The following RALYL variants were observed in gnomAD, a reference collection of about 807,000 sequenced individuals.
RALYL encodes RALY RNA binding protein like, also known as RNA-binding Raly-like protein.
In RALYL, 29 loss-of-function variants were observed where a neutral mutation model predicts 35.1. The ratio of observed to expected loss-of-function variants is 0.83; its 90% confidence interval spans 0.61 to 1.13. The LOEUF (loss-of-function observed/expected upper bound fraction) is 1.13. Among genes scored for constraint, RALYL ranks in the 50% most tolerant of loss-of-function variants. RALYL has a pLI of 0.00. For missense variants in RALYL, 359 were observed against 360.4 expected, an observed-to-expected ratio of 1.00 and a Z score of 0.03; for synonymous variants, 120 against 127.6, an observed-to-expected ratio of 0.94 and a Z score of 0.40.
intron 1 of RALYL, among the ~76,000 whole-genome samples, chr8:84,185,533 G>A (rs554775441): frequency 6.6e-6 from 1 of 152,010 alleles, no homozygotes; most frequent in African/African-American, 2.4e-5. Context: ...CACTGTGACC[G>A]AATCTGCTGG....
chr8:84,674,432 G>A (rs1042713698), intron 2 of RALYL, among the ~76,000 whole-genome samples: 1 of 152,142 alleles, frequency 6.6e-6, no homozygotes, highest in Admixed American at 6.5e-5. Flanking sequence ...TGGTGAGAGA[G>A]GGCATCCTTG....
chr8:84,348,498 G>A (rs1850263429), intron 1 of RALYL, among the ~76,000 whole-genome samples: 1 of 152,022 alleles, frequency 6.6e-6, no homozygotes, highest in Non-Finnish European at 1.5e-5. Context: ...TTTACAAAGT[G>A]GGTTATTTTA....
chr8:84,857,413 C>T (rs1035316305), intron 5 of RALYL, among the ~76,000 whole-genome samples: 10 of 152,118 alleles, frequency 6.6e-5, no homozygotes, highest in Non-Finnish European at 4.4e-5. Context: ...TTCATGAGGG[C>T]AATTTAGAAA....
chr8:84,235,220 G>A (rs887932208), intron 1 of RALYL, among the ~76,000 whole-genome samples: 4 of 152,010 alleles, frequency 2.6e-5, no homozygotes, highest in African/African-American at 9.7e-5. Context: ...ATTGACAAGT[G>A]CAATTTTATT....
intron 2 of RALYL, among the ~76,000 whole-genome samples, chr8:84,677,437 A>G (rs1834437215): frequency 6.6e-6 from 1 of 152,202 alleles, no homozygotes; most frequent in Non-Finnish European, 1.5e-5. Flanking sequence ...ATAAATGGGA[A>G]TAGGAATAGA....
chr8:84,794,950 G>A (rs944831496), intron 3 of RALYL, among the ~76,000 whole-genome samples: 3 of 152,222 alleles, frequency 2.0e-5, no homozygotes, highest in Non-Finnish European at 4.4e-5. Context: ...AACTGCCACA[G>A]AGATTCTTGG....
intron 1 of RALYL, among the ~76,000 whole-genome samples, chr8:84,311,647 C>A (rs1191879748): frequency 6.6e-6 from 1 of 151,940 alleles, no homozygotes; most frequent in Admixed American, 6.6e-5. Context: ...AATAAAATAC[C>A]ATAGAGATTA....
chr8:84,620,621 G>A (rs1428705422), intron 2 of RALYL, among the ~76,000 whole-genome samples: 1 of 152,162 alleles, frequency 6.6e-6, no homozygotes, highest in Non-Finnish European at 1.5e-5. Context: ...ATCCAGTTTT[G>A]TTCCATTGCT....
chr8:84,704,241 A>G (rs1245185908), intron 2 of RALYL, among the ~76,000 whole-genome samples: 1 of 152,150 alleles, frequency 6.6e-6, no homozygotes, highest in East Asian at 1.9e-4. Flanking sequence ...CCTGGCCAAC[A>G]TGGCGAAACC....
At chr8:84,331,283 TC>T (rs1186623910) in intron 1 of RALYL, among the ~76,000 whole-genome samples, 1 of 152,078 alleles carries the variant, frequency 6.6e-6, no homozygotes, top group African/African-American at 2.4e-5. Context: ...ATTATCTTTG[TC>T]TTTACTATCA....
At chr8:84,787,690 C>T (rs1291191523) in intron 3 of RALYL, among the ~76,000 whole-genome samples, 8 of 152,132 alleles carry the variant, frequency 5.3e-5, no homozygotes, top group African/African-American at 1.9e-4. Context: ...TCTGTTGTTT[C>T]CTGACATTTT....
intron 1 of RALYL, among the ~76,000 whole-genome samples, chr8:84,270,174 T>A (rs1056387513): frequency 6.6e-6 from 1 of 152,122 alleles, no homozygotes; most frequent in African/African-American, 2.4e-5. Context: ...CAAATTGTCT[T>A]TTACACCTGC....
At chr8:84,367,873 C>G (rs1854816142) in intron 1 of RALYL, among the ~76,000 whole-genome samples, 1 of 152,066 alleles carries the variant, frequency 6.6e-6, no homozygotes, top group Non-Finnish European at 1.5e-5. Context: ...AAAGCTATAT[C>G]CCATTGATTT....
chr8:84,332,429 A>G (rs1168941359), intron 1 of RALYL, among the ~76,000 whole-genome samples: 1 of 152,142 alleles, frequency 6.6e-6, no homozygotes, highest in Admixed American at 6.6e-5. Context: ...ATATGCATAT[A>G]CAAGTTCTGA....
intron 2 of RALYL, among the ~76,000 whole-genome samples, chr8:84,642,608 C>CAAAATGGGCATAAA (rs1342739711): frequency 3.3e-5 from 5 of 151,964 alleles, no homozygotes; most frequent in Non-Finnish European, 7.4e-5. Context: ...TCTGTCAGTT[C>CAAAATGGGCATAAA]AAAATGGGCA....
At chr8:84,794,226 C>T (rs564635795) in intron 3 of RALYL, among the ~76,000 whole-genome samples, 4 of 152,212 alleles carry the variant, frequency 2.6e-5, no homozygotes, top group South Asian at 2.1e-4. Flanking sequence ...TTAGGATGGG[C>T]GATCAAAAGA....
intron 1 of RALYL, among the ~76,000 whole-genome samples, chr8:84,417,684 A>G (rs2044878675): frequency 1.3e-5 from 2 of 152,016 alleles, no homozygotes; most frequent in African/African-American, 4.8e-5. Context: ...TTTAGGCTAG[A>G]TTTCCCACAC....
At chr8:84,382,230 TA>T (rs559887402) in intron 1 of RALYL, among the ~76,000 whole-genome samples, 13,336 of 136,382 alleles carry the variant, frequency 0.098, 620 homozygotes, top group Middle Eastern at 0.14. Flanking sequence ...GCATTAGAAT[TA>T]AAAAAAAAAA....
At chr8:84,783,374 C>G (rs890397516) in intron 3 of RALYL, among the ~76,000 whole-genome samples, 1 of 152,150 alleles carries the variant, frequency 6.6e-6, no homozygotes, top group Non-Finnish European at 1.5e-5. Flanking sequence ...ACCTAAGAGA[C>G]TGAAGACCGA....
Sources: allele counts gnomAD v4.1 joint callset (sites outside exome capture counted in the v4.1 genomes callset), GRCh38; gene constraint gnomAD v4.1.1; transcripts MANE v1.5; gene names NCBI Gene and HGNC (gene_info 2026-07-23, HGNC 2026-07-21).